Variants in SPTLC1 observed in about 807,000 individuals in gnomAD.
SPTLC1 encodes the protein serine palmitoyltransferase 1.
In SPTLC1, 55 loss-of-function variants were observed where a neutral mutation model predicts 68.9. The ratio of observed to expected loss-of-function variants is 0.80; its 90% confidence interval spans 0.64 to 1.00. The LOEUF (loss-of-function observed/expected upper bound fraction) is 1.00. Ranked by LOEUF, SPTLC1 falls within the 50% of genes least tolerant of loss-of-function variation. SPTLC1 has a pLI of 0.00. For missense variants in SPTLC1, 449 were observed against 573.1 expected (o/e 0.78, Z 2.21); for synonymous variants, 197 against 201.6 (o/e 0.98, Z 0.19).
chr9:92,053,483 T>C (rs1316339212), intron 8 of SPTLC1, among the ~76,000 whole-genome samples: 4 of 152,218 alleles, frequency 2.6e-5, no homozygotes, highest in Non-Finnish European at 4.4e-5. Context: ...ACAGCACTAT[T>C]TGCAATAGCA....
At chr9:92,073,217 G>A (rs907772487) in intron 5 of SPTLC1, among the ~76,000 whole-genome samples, 5 of 152,108 alleles carry the variant, frequency 3.3e-5, no homozygotes, top group East Asian at 1.9e-4. Flanking sequence ...GCTCTTTTCC[G>A]TCAGACCCTA....
At chr9:92,033,403 A>G (rs1833038817) in intron 14 of SPTLC1, among the ~76,000 whole-genome samples, 1 of 152,240 alleles carries the variant, frequency 6.6e-6, no homozygotes, top group African/African-American at 2.4e-5. Context: ...TCTGTCCCCC[A>G]GAGTTCATCT....
chr9:92,057,064 C>G (rs1833918936), intron 7 of SPTLC1, among the ~76,000 whole-genome samples: 1 of 152,240 alleles, frequency 6.6e-6, no homozygotes, highest in Non-Finnish European at 1.5e-5. Flanking sequence ...AATCATACCA[C>G]ACGGTGATAA....
chr9:92,101,065 C>T (rs988852211), intron 3 of SPTLC1, among the ~76,000 whole-genome samples: 6 of 152,046 alleles, frequency 3.9e-5, no homozygotes, highest in Non-Finnish European at 8.8e-5. Context: ...AAACTTGACA[C>T]CACCAAAGTT....
chr9:92,115,128 C>G lies in SPTLC1; in HGVS notation c.57+186G>C, dbSNP rs528612642. ...GACCCTCAGTCCCAGCCCCCGCCCCCGCCCGTTCCTCCCTACACTCAACCG... is the reference window on the plus strand; with the variant it reads ...GACCCTCAGTCCCAGCCCCCGCCCCGGCCCGTTCCTCCCTACACTCAACCG... On this transcript the variant is annotated intron_variant, in intron 1 of 14. Coordinates refer to ENST00000262554, the MANE Select transcript of SPTLC1 (RefSeq NM_006415.4). 1.3e-5 allele frequency: 8 copies of G among 593,188 alleles called. No homozygotes were observed. The Admixed American group carries it at 2.2e-4, about 17-fold the overall frequency. The allele number at this position is 593,188 out of a possible 1,614,324, so 36.7% of individuals were successfully genotyped here.
chr9:92,112,487 T>A lies in SPTLC1; in HGVS notation c.133A>T (p.Lys45Ter), dbSNP rs777688621. The change falls in exon 2 of 15, where the codon AAA becomes TAA. Residue 45 changes from lysine (K) to a stop codon, truncating the protein, a stop_gained. Transcript: ENST00000262554. LOFTEE classifies it high-confidence loss of function. ...IIRLLFSKTYKLQERSDLTVK... is the reference protein window; with the variant it reads ...IIRLLFSKTY ...GTAAGATCAGATCGTTCTTGTAATTTGTAAGTCTTAGAGAAAAGAAGTCTG... is the reference window on the plus strand; with the variant it reads ...GTAAGATCAGATCGTTCTTGTAATTAGTAAGTCTTAGAGAAAAGAAGTCTG... The A allele has an allele frequency of 5.0e-6, 8 of 1,610,576 alleles. No homozygotes were observed. Among genetic ancestry groups the A allele is most frequent in the Non-Finnish European group, 6.8e-6 (8 of 1,178,452 alleles).
intron 8 of SPTLC1, among the ~76,000 whole-genome samples, chr9:92,051,642 T>C (rs1405629348): frequency 6.6e-6 from 1 of 152,176 alleles, no homozygotes; most frequent in African/African-American, 2.4e-5. Flanking sequence ...GCAAGAAAGA[T>C]AAAGGGCATC....
At chr9:92,050,677 G>A (rs1222946354) in intron 8 of SPTLC1, among the ~76,000 whole-genome samples, 1 of 152,104 alleles carries the variant, frequency 6.6e-6, no homozygotes, top group African/African-American at 2.4e-5. Flanking sequence ...ATTTGCCCTA[G>A]CAGCAATAGT....
intron 12 of SPTLC1, among the ~76,000 whole-genome samples, chr9:92,040,149 C>A (rs1161269434): frequency 2.0e-5 from 3 of 151,924 alleles, no homozygotes. Flanking sequence ...GCAGGTAGAT[C>A]ACCTGAGGTC....
chr9:92,115,156 G>A (rs1836404273), intron 1 of SPTLC1, 158 bp downstream of exon 1: 1 of 669,252 alleles, frequency 1.5e-6, no homozygotes, highest in South Asian at 1.5e-5. Context: ...CTCAACCGCT[G>A]GGACTAGAAG....
At chr9:92,112,954 A>G (rs1212908348) in intron 1 of SPTLC1, among the ~76,000 whole-genome samples, 3 of 152,118 alleles carry the variant, frequency 2.0e-5, no homozygotes, top group African/African-American at 7.2e-5. Flanking sequence ...TTAAAAATAC[A>G]AAATTAGCTG....
intron 1 of SPTLC1, 178 bp downstream of exon 1, chr9:92,115,136 C>A: frequency 1.7e-6 from 1 of 571,740 alleles, no homozygotes; most frequent in South Asian, 1.8e-5. Flanking sequence ...CCCGCCCGTT[C>A]CTCCCTACAC....
chr9:92,101,418 C>T (rs1175571382), intron 3 of SPTLC1, among the ~76,000 whole-genome samples: 5 of 151,000 alleles, frequency 3.3e-5, no homozygotes, highest in East Asian at 2.0e-4. Flanking sequence ...AACAATTAGC[C>T]GGGCGTGGTG....
At chr9:92,049,935 A>ACGTTCTTAAAAAAGGGGAAC (rs781661058) in intron 9 of SPTLC1, 25 bp downstream of exon 9, 56 of 1,419,958 alleles carry the variant, frequency 3.9e-5, no homozygotes, top group South Asian at 2.1e-4. Flanking sequence ...AAGAGGGGAA[A>ACGTTCTTAAAAAAGGGGAAC]CGTTCTTAAA....
chr9:92,047,468 A>G, intron 10 of SPTLC1, 145 bp downstream of exon 10: 3 of 741,678 alleles, frequency 4.0e-6, no homozygotes, highest in South Asian at 1.6e-5. Flanking sequence ...AAATAGAAAT[A>G]TTTTGAGTGA....
At chr9:92,054,200 G>C (rs1439343460) in intron 8 of SPTLC1, among the ~76,000 whole-genome samples, 1 of 152,190 alleles carries the variant, frequency 6.6e-6, no homozygotes, top group Non-Finnish European at 1.5e-5. Context: ...AGAATCACTT[G>C]AACCCAGGAG....
intron 3 of SPTLC1, among the ~76,000 whole-genome samples, chr9:92,097,619 T>C (rs759070671): frequency 2.6e-5 from 4 of 152,180 alleles, no homozygotes; most frequent in Non-Finnish European, 5.9e-5. Context: ...ATGTCCAGAA[T>C]AGGCAAGTCC....
intron 5 of SPTLC1, chr9:92,076,909 C>G (rs1005231599): frequency 6.6e-6 from 1 of 152,148 alleles, no homozygotes; most frequent in East Asian, 1.9e-4. Context: ...CATAATTCCC[C>G]GGTTTGGTCT....
intron 3 of SPTLC1, chr9:92,104,500 C>A (rs183663018): frequency 9.9e-6 from 14 of 1,418,756 alleles, no homozygotes; most frequent in Middle Eastern, 1.8e-4. Flanking sequence ...GAGCCCCCCC[C>A]TCAAGGAAGA....
Sources: allele counts gnomAD v4.1 joint callset (sites outside exome capture counted in the v4.1 genomes callset), GRCh38; gene constraint gnomAD v4.1.1; transcripts MANE v1.5; gene names NCBI Gene and HGNC (gene_info 2026-07-23, HGNC 2026-07-21).